The following PTPRD variants were observed in gnomAD, a reference collection of about 807,000 sequenced individuals.
PTPRD encodes the protein receptor-type tyrosine-protein phosphatase delta.
Under a neutral mutation model 214.5 loss-of-function variants are expected in PTPRD, and 34 were observed. The ratio of observed to expected loss-of-function variants is 0.16; its 90% CI spans 0.12 to 0.21. PTPRD has a LOEUF of 0.21. Among genes scored for constraint, PTPRD ranks in the 10% least tolerant of loss-of-function variants. The probability of loss-of-function intolerance (pLI) is 1.00; values close to 1 mark genes in which losing one functional copy is unlikely to be tolerated. For synonymous variants in PTPRD, 1,128 were observed against 845.7 expected (o/e 1.33, Z -5.79); for missense variants, 2,545 against 2,398.7 (o/e 1.06, Z -1.27).
chr9:10,159,494 C>A (rs781592145), intron 3 of PTPRD, among the ~76,000 whole-genome samples: 10 of 151,932 alleles, frequency 6.6e-5, no homozygotes, highest in African/African-American at 9.7e-5. Flanking sequence ...TAGAAAACCA[C>A]GACCTCCACA....
In PTPRD at chr9:8,508,054, T is replaced by C. The variant is rs1998514; in HGVS notation, c.1544-620A>G. Among the ~76,000 whole-genome samples, 800 of 152,232 alleles carry C rather than the reference T, an allele frequency of 5.3e-3. 8 individuals are homozygous for C. The highest frequency in any genetic ancestry group is 0.018 in the African/African-American group (737 of 41,556). ...ATAATGACTTCTAATCTCTAAACTATGTTAAATTATTTAAAGAACTACACC... is the reference window on the plus strand; with the variant it reads ...ATAATGACTTCTAATCTCTAAACTACGTTAAATTATTTAAAGAACTACACC... On this transcript the variant is annotated intron_variant, in intron 21 of 45. Transcript: ENST00000381196.
At chr9:10,471,072 A>C (rs1369720884) in intron 2 of PTPRD, among the ~76,000 whole-genome samples, 2 of 152,062 alleles carry the variant, frequency 1.3e-5, no homozygotes, top group Non-Finnish European at 2.9e-5. Context: ...ACACGTTCTC[A>C]CTTATAAGCG....
chr9:9,401,752 T>C (rs530569344), intron 8 of PTPRD, among the ~76,000 whole-genome samples: 1 of 152,138 alleles, frequency 6.6e-6, no homozygotes, highest in South Asian at 2.1e-4. Context: ...AATTGAATCA[T>C]GGGGGTGGTT....
intron 11 of PTPRD, among the ~76,000 whole-genome samples, chr9:8,875,221 G>A (rs1358264949): frequency 6.6e-6 from 1 of 152,162 alleles, no homozygotes; most frequent in Non-Finnish European, 1.5e-5. Context: ...TCATGGTGAT[G>A]AGAAAGCTCT....
chr9:10,035,623 G>C (rs546878982), intron 3 of PTPRD, among the ~76,000 whole-genome samples: 3 of 151,856 alleles, frequency 2.0e-5, no homozygotes, highest in African/African-American at 7.3e-5. Context: ...CTAGGTTGAC[G>C]CTTGGTCTAC....
intron 11 of PTPRD, among the ~76,000 whole-genome samples, chr9:8,943,574 ATTTT>A (rs998854268): frequency 6.2e-5 from 9 of 145,832 alleles, no homozygotes; most frequent in Non-Finnish European, 1.2e-4. Flanking sequence ...AATTTTATTT[ATTTT>A]ATTTATTGAT....
intron 9 of PTPRD, among the ~76,000 whole-genome samples, chr9:9,217,237 T>C (rs2099952897): frequency 6.6e-6 from 1 of 152,170 alleles, no homozygotes. Context: ...ATCTGTAAAA[T>C]GTGGATGATA....
chr9:8,922,788 A>C (rs1199327276), intron 11 of PTPRD, among the ~76,000 whole-genome samples: 1 of 150,778 alleles, frequency 6.6e-6, no homozygotes. Flanking sequence ...CTGGGACTAC[A>C]GGCGTGTGCC....
chr9:9,343,662 A>T (rs1411734294), intron 9 of PTPRD, among the ~76,000 whole-genome samples: 1 of 151,858 alleles, frequency 6.6e-6, no homozygotes, highest in Non-Finnish European at 1.5e-5. Flanking sequence ...ATAAAACATT[A>T]TATCAAACAA....
At chr9:9,923,778 G>T (rs1053522428) in intron 5 of PTPRD, among the ~76,000 whole-genome samples, 1 of 151,868 alleles carries the variant, frequency 6.6e-6, no homozygotes, top group Non-Finnish European at 1.5e-5. Flanking sequence ...TACTTCTCAT[G>T]GGCCGTATTT....
intron 3 of PTPRD, among the ~76,000 whole-genome samples, chr9:10,067,675 T>A (rs1469113755): frequency 1.3e-5 from 2 of 151,860 alleles, no homozygotes; most frequent in East Asian, 3.9e-4. Context: ...TTGGCCAAGG[T>A]CACCCCATTA....
intron 35 of PTPRD, among the ~76,000 whole-genome samples, chr9:8,417,549 G>T (rs554966657): frequency 6.6e-6 from 1 of 152,264 alleles, no homozygotes; most frequent in East Asian, 1.9e-4. Context: ...GAATCTGAAA[G>T]CTTCTGAAAG....
At chr9:9,592,676 A>G (rs1301971911) in intron 7 of PTPRD, among the ~76,000 whole-genome samples, 1 of 152,006 alleles carries the variant, frequency 6.6e-6, no homozygotes, top group Non-Finnish European at 1.5e-5. Flanking sequence ...TTTTTTCCCC[A>G]TAGCCTACAA....
At chr9:10,566,171 A>G (rs573623465) in intron 2 of PTPRD, among the ~76,000 whole-genome samples, 26 of 152,104 alleles carry the variant, frequency 1.7e-4, no homozygotes, top group Middle Eastern at 6.8e-3. Context: ...TTAACAATTC[A>G]ACCTTTGTGA....
intron 10 of PTPRD, among the ~76,000 whole-genome samples, chr9:9,146,458 C>T (rs1283673862): frequency 6.6e-6 from 1 of 151,912 alleles, no homozygotes; most frequent in Non-Finnish European, 1.5e-5. Context: ...TAATAAAAAC[C>T]CCAGGTTATT....
chr9:9,081,367 T>C (rs543227390), intron 10 of PTPRD, among the ~76,000 whole-genome samples: 1 of 152,306 alleles, frequency 6.6e-6, no homozygotes, highest in Non-Finnish European at 1.5e-5. Context: ...AGACTGTTTG[T>C]TATGATTTCC....
intron 3 of PTPRD, among the ~76,000 whole-genome samples, chr9:10,228,870 A>G (rs2099598317): frequency 6.6e-6 from 1 of 151,772 alleles, no homozygotes; most frequent in African/African-American, 2.4e-5. Flanking sequence ...AAATGCTGCT[A>G]GCTTTATGTT....
chr9:9,639,998 G>A (rs1006015305), intron 7 of PTPRD, among the ~76,000 whole-genome samples: 2 of 152,174 alleles, frequency 1.3e-5, no homozygotes, highest in African/African-American at 4.8e-5. Context: ...GGTAAACTTT[G>A]TTAGACTGTA....
chr9:9,572,844 A>C (rs2086965398), intron 8 of PTPRD, among the ~76,000 whole-genome samples: 1 of 151,426 alleles, frequency 6.6e-6, no homozygotes. Context: ...TCCAATTATA[A>C]TACCCCTATT....
Sources: allele counts gnomAD v4.1 joint callset (sites outside exome capture counted in the v4.1 genomes callset), GRCh38; gene constraint gnomAD v4.1.1; transcripts MANE v1.5; gene names NCBI Gene and HGNC (gene_info 2026-07-23, HGNC 2026-07-21).